Variants in PPM1B observed in about 807,000 individuals in gnomAD.
PPM1B encodes protein phosphatase, Mg2+/Mn2+ dependent 1B.
PPM1B carries 22 observed loss-of-function variants against 43.0 expected under a neutral mutation model. That is an observed-to-expected ratio of 0.51 (90% CI 0.37 to 0.73). PPM1B has a LOEUF of 0.73. Ranked by LOEUF, PPM1B falls within the 30% of genes least tolerant of loss-of-function variation. PPM1B has a pLI of 0.00. For missense variants in PPM1B, 632 were observed against 584.2 expected (o/e 1.08, Z -0.84); for synonymous variants, 217 against 197.9 (o/e 1.10, Z -0.81).
intron 1 of PPM1B, among the ~76,000 whole-genome samples, chr2:44,175,588 T>C (rs1306637691): frequency 6.6e-6 from 1 of 152,162 alleles, no homozygotes; most frequent in African/African-American, 2.4e-5. Context: ...GCTGAACTCC[T>C]TATGTGGCTG....
intron 1 of PPM1B, among the ~76,000 whole-genome samples, chr2:44,192,216 G>GTATTGTATTA (rs1668440024): frequency 6.6e-6 from 1 of 150,720 alleles, no homozygotes; most frequent in South Asian, 2.1e-4. Context: ...GTATTGTATT[G>GTATTGTATTA]TATTGTATTG....
At chr2:44,206,828 C>T (rs1043319172) in intron 2 of PPM1B, among the ~76,000 whole-genome samples, 11 of 152,098 alleles carry the variant, frequency 7.2e-5, no homozygotes, top group East Asian at 1.9e-4. Context: ...TCCCAAACTG[C>T]GGGGATTACA....
intron 1 of PPM1B, among the ~76,000 whole-genome samples, chr2:44,191,818 ATTTTTTCCCC>A (rs1668416492): frequency 6.6e-6 from 1 of 151,584 alleles, no homozygotes; most frequent in African/African-American, 2.4e-5. Flanking sequence ...TGTGTGACTT[ATTTTTTCCCC>A]TTTTTTCCCT....
chr2:44,226,971 TATGAATGAATGA>T (rs151051302), intron 5 of PPM1B, among the ~76,000 whole-genome samples: 1 of 142,548 alleles, frequency 7.0e-6, no homozygotes, highest in South Asian at 2.2e-4. Context: ...TTTATTTATT[TATGAATGAATGA>T]ATGAATGAAT....
intron 2 of PPM1B, among the ~76,000 whole-genome samples, chr2:44,204,628 T>C (rs1259131762): frequency 6.6e-6 from 1 of 151,752 alleles, no homozygotes; most frequent in African/African-American, 2.4e-5. Flanking sequence ...CCATATGAGG[T>C]AGTTAAGATG....
intron 3 of PPM1B, among the ~76,000 whole-genome samples, chr2:44,217,399 CAAA>C (rs1271175043): frequency 2.2e-5 from 2 of 89,952 alleles, no homozygotes; most frequent in Non-Finnish European, 4.9e-5. Flanking sequence ...AACTCCGTCT[CAAA>C]AAAAAAAAAA....
intron 2 of PPM1B, among the ~76,000 whole-genome samples, chr2:44,202,674 A>G (rs1003205571): frequency 2.0e-5 from 3 of 152,152 alleles, no homozygotes; most frequent in African/African-American, 7.2e-5. Flanking sequence ...TGTTTTTATT[A>G]TTTCTGATTA....
At chr2:44,232,754 A>AT, downstream of PPM1B, 1 of 990,810 alleles carries the variant, frequency 1.0e-6, no homozygotes, top group Non-Finnish European at 1.2e-6. Flanking sequence ...GAATTGTATG[A>AT]TATGTTCCTT....
In PPM1B at chr2:44,230,716, T is replaced by C; in HGVS notation, c.1438T>C (p.Ter480ArgextTer9). The C allele has an allele frequency of 1.2e-6, 2 of 1,603,170 alleles. No individual in the cohort carries two copies. The highest frequency in any genetic ancestry group is 1.7e-6 in the Non-Finnish European group (2 of 1,172,196). The change falls in exon 6 of 6, where the codon TGA (stop) becomes CGA (arginine). Residue 480 changes from the stop codon to arginine (R), a stop_lost. Transcript: ENST00000282412. The part of the protein sequence containing the change: ...AGTKMSGEKI[*>R] ...GACAAAGATGAGTGGTGAAAAAATATGACTTTCCTTTTTGGTAATATTTTT... is the reference window on the plus strand; with the variant it reads ...GACAAAGATGAGTGGTGAAAAAATACGACTTTCCTTTTTGGTAATATTTTT...
intron 1 of PPM1B, among the ~76,000 whole-genome samples, chr2:44,181,434 T>A (rs1667869751): frequency 6.6e-6 from 1 of 152,160 alleles, no homozygotes; most frequent in Admixed American, 6.5e-5. Flanking sequence ...ATTTAAGGTG[T>A]GTTTTAGGGA....
At chr2:44,209,076 G>T in intron 2 of PPM1B, 134 bp from the exon 3 acceptor site, 2 of 757,466 alleles carry the variant, frequency 2.6e-6, no homozygotes, top group Admixed American at 3.5e-5. Context: ...GTAATTCATT[G>T]GAATAAAAAT....
chr2:44,190,813 A>G (rs977556829), intron 1 of PPM1B, among the ~76,000 whole-genome samples: 2 of 152,240 alleles, frequency 1.3e-5, no homozygotes, highest in African/African-American at 4.8e-5. Context: ...TGTAATATTT[A>G]TCAAGGAAAT....
At chr2:44,207,523 C>T (rs897011419) in intron 2 of PPM1B, among the ~76,000 whole-genome samples, 16 of 151,868 alleles carry the variant, frequency 1.1e-4, no homozygotes, top group South Asian at 1.0e-3. Context: ...GTAATGAGAA[C>T]GTATTTTTAA....
chr2:44,216,174 G>A (rs1023552984), intron 3 of PPM1B, among the ~76,000 whole-genome samples: 3 of 152,172 alleles, frequency 2.0e-5, no homozygotes, highest in Non-Finnish European at 4.4e-5. Flanking sequence ...AGGGACAAGA[G>A]AAGCCAAAAT....
chr2:44,181,737 T>G (rs569099223), intron 1 of PPM1B, among the ~76,000 whole-genome samples: 2 of 152,274 alleles, frequency 1.3e-5, no homozygotes, highest in South Asian at 4.1e-4. Context: ...AGAGATGAAG[T>G]TTTTGATTAT....
downstream of PPM1B, among the ~76,000 whole-genome samples, chr2:44,235,182 T>G (rs1670576692): frequency 6.6e-6 from 1 of 152,254 alleles, no homozygotes; most frequent in South Asian, 2.1e-4. Flanking sequence ...GGGTCTGTCT[T>G]GCATTTTGAA....
chr2:44,207,520 G>A (rs1669244358), intron 2 of PPM1B, among the ~76,000 whole-genome samples: 2 of 151,850 alleles, frequency 1.3e-5, no homozygotes, highest in African/African-American at 2.4e-5. Context: ...AAAGTAATGA[G>A]AACGTATTTT....
At chr2:44,243,228 C>T (rs1670788698) in intron 5 of PPM1B, among the ~76,000 whole-genome samples, 1 of 152,116 alleles carries the variant, frequency 6.6e-6, no homozygotes, top group Admixed American at 6.6e-5. Flanking sequence ...TAAGAGAGCT[C>T]TCCTTGGTCA....
At chr2:44,187,026 T>TC (rs1399334902) in intron 1 of PPM1B, among the ~76,000 whole-genome samples, 5 of 152,206 alleles carry the variant, frequency 3.3e-5, no homozygotes, top group Non-Finnish European at 5.9e-5. Flanking sequence ...GCAACAAATC[T>TC]CCAGAACTTT....
Sources: gnomAD v4.1 joint callset for allele counts (sites outside exome capture counted in the v4.1 genomes callset) on GRCh38, gnomAD v4.1.1 for gene constraint, MANE v1.5 for transcripts, NCBI Gene and HGNC (gene_info 2026-07-23, HGNC 2026-07-21) for gene names.